Variants in PRCC observed in about 807,000 individuals in gnomAD.
The protein encoded by PRCC is proline-rich protein PRCC.
PRCC carries 10 observed loss-of-function variants against 44.0 expected under a neutral mutation model. The observed-to-expected ratio is 0.23, with a 90% CI of 0.14 to 0.39. PRCC has a LOEUF of 0.39. Among genes scored for constraint, PRCC ranks in the 10% least tolerant of loss-of-function variants. The pLI is 1.00. For synonymous variants in PRCC, 278 were observed against 259.5 expected (o/e 1.07, Z -0.69); for missense variants, 573 against 624.7 (o/e 0.92, Z 0.88).
At chr1:156,778,235 A>G (rs909270177) in intron 1 of PRCC, among the ~76,000 whole-genome samples, 2 of 152,132 alleles carry the variant, frequency 1.3e-5, no homozygotes, top group Admixed American at 6.6e-5. Context: ...CTCTGCTTCT[A>G]TGAAGTACTT....
At position 156,767,907 on chromosome 1, in the gene PRCC, A is replaced by G; in HGVS notation, c.136A>G (p.Lys46Glu). 1 of 1,601,876 alleles carries G rather than the reference A, an allele frequency of 6.2e-7. No homozygotes were observed. Among genetic ancestry groups the G allele is most frequent in the East Asian group, 2.2e-5 (1 of 44,458 alleles). Residue 46 changes from lysine (K) to glutamate (E), a missense_variant, in exon 1 of 7, where the codon AAG becomes GAG. Transcript: ENST00000271526. The part of the protein sequence containing the change: ...GGLFASLPAP[K>E]GPALLPPPPQ... ...CTTGTTCGCTTCTCTCCCTGCGCCC[A>G]AGGGTCCGGCCTTGCTGCCTCCGCC...
At chr1:156,773,668 T>A (rs1305329497) in intron 1 of PRCC, among the ~76,000 whole-genome samples, 2 of 152,170 alleles carry the variant, frequency 1.3e-5, no homozygotes, top group African/African-American at 4.8e-5. Context: ...CTCCACAACC[T>A]CCATTTAATA....
intron 1 of PRCC, 23 bp downstream of exon 1, chr1:156,768,262 C>G (rs1329292797): frequency 6.5e-7 from 1 of 1,535,722 alleles, no homozygotes; most frequent in South Asian, 1.2e-5. Context: ...GGAAGGCACC[C>G]CCAAACTGTC....
chr1:156,780,415 T>A (rs921299778), intron 1 of PRCC, among the ~76,000 whole-genome samples: 7 of 151,328 alleles, frequency 4.6e-5, no homozygotes, highest in South Asian at 4.1e-4. Flanking sequence ...ATTTTTTTTT[T>A]AATTTTAAGA....
At position 156,767,876 on chromosome 1, in the gene PRCC, A is replaced by C; in HGVS notation, c.105A>C (p.Leu35Phe). Reference sequence around the variant, plus strand: ...TGGCTCCTACATCTGGGCCCGCTTTAGGGGGCTTGTTCGCTTCTCTCCCTG... The same window carrying C: ...TGGCTCCTACATCTGGGCCCGCTTTCGGGGGCTTGTTCGCTTCTCTCCCTG... ...EAVAPTSGPALGGLFASLPAP... is the reference protein window; with the variant it reads ...EAVAPTSGPAFGGLFASLPAP... Residue 35 changes from leucine to phenylalanine, a missense_variant, in exon 1 of 7, where the codon TTA becomes TTC. By Grantham distance (22) the Leu-to-Phe change is conservative (BLOSUM62 0). Coordinates refer to ENST00000271526, the MANE Select transcript of PRCC (RefSeq NM_005973.5). The C allele has an allele frequency of 6.2e-7, 1 of 1,606,562 alleles. No homozygotes were observed. Among genetic ancestry groups the C allele is most frequent in the Non-Finnish European group, 8.5e-7 (1 of 1,177,446 alleles).
chr1:156,778,602 T>A (rs7524585), intron 1 of PRCC, among the ~76,000 whole-genome samples: 137,437 of 143,026 alleles, frequency 0.96, 66,230 homozygotes, highest in Non-Finnish European at 1. Flanking sequence ...TTTTTTTTTG[T>A]GGCAGGGTCT....
intron 2 of PRCC, 66 bp downstream of exon 2, chr1:156,782,395 C>T: frequency 1.4e-6 from 2 of 1,393,960 alleles, no homozygotes; most frequent in South Asian, 2.5e-5. Flanking sequence ...ACAGGACTTA[C>T]AGTATCCAGC....
chr1:156,768,817 A>G (rs143458656), intron 1 of PRCC, among the ~76,000 whole-genome samples: 50 of 152,306 alleles, frequency 3.3e-4, no homozygotes, highest in African/African-American at 1.2e-3. Context: ...GGGAGGTAAC[A>G]TACTATTGTT....
At chr1:156,774,613 A>G (rs111416544) in intron 1 of PRCC, among the ~76,000 whole-genome samples, 3,397 of 151,946 alleles carry the variant, frequency 0.022, 55 homozygotes, top group Non-Finnish European at 0.034. Flanking sequence ...CAGTCTCCGC[A>G]GTAGCTGGGA....
intron 1 of PRCC, among the ~76,000 whole-genome samples, chr1:156,779,122 ATATATATTTTTTT>A (rs1651942198): frequency 1.0e-4 from 2 of 19,708 alleles, no homozygotes; most frequent in African/African-American, 5.6e-4. Flanking sequence ...ATATATATAT[ATATATATTTTTTT>A]TTTTTTTTTT....
intron 3 of PRCC, chr1:156,790,948 A>G: frequency 1.9e-6 from 1 of 514,934 alleles, no homozygotes; most frequent in South Asian, 1.5e-5. Flanking sequence ...GGAGTTTAAG[A>G]CGAAGTGGAA....
At position 156,785,009 on chromosome 1, in the gene PRCC, C is replaced by CATATAT. The variant is rs144129979; in HGVS notation, c.517-1591_517-1586dup. Among the ~76,000 whole-genome samples the CATATAT allele has an allele frequency of 4.8e-3, 719 of 151,356 alleles. 10 individuals carry two copies. The highest frequency in any genetic ancestry group is 0.017 in the African/African-American group (685 of 41,266). Reference sequence around the variant, plus strand: ...CTTTCTTCAGATTAAAAAAATACAGCATATATATATATACACTCATTTCTG... The same window carrying CATATAT: ...CTTTCTTCAGATTAAAAAAATACAGCATATATATATATATATATACACTCATTTCTG... On this transcript the variant is annotated intron_variant, in intron 2 of 6. Transcript: ENST00000271526.
rs201827573 is a variant in PRCC, at chr1:156,787,156, C to T, written c.1065C>T (p.Ala355=). 775 of 1,603,926 alleles carry T rather than the reference C, an allele frequency of 4.8e-4. No individual in the cohort carries two copies. The highest frequency in any genetic ancestry group is 6.3e-4 in the Non-Finnish European group (737 of 1,172,156). ...NQFSTYGDAN[A]AGAYYQDYYS... Reference sequence around the variant, plus strand: ...TTTCCACATATGGCGATGCCAATGCCGCTGGTGCTTATTATCAGGTGGGTA... The same window carrying T: ...TTTCCACATATGGCGATGCCAATGCTGCTGGTGCTTATTATCAGGTGGGTA... Residue 355 remains alanine, a synonymous_variant, in exon 3 of 7, where the codon GCC becomes GCT. Coordinates refer to ENST00000271526, the MANE Select transcript of PRCC (RefSeq NM_005973.5).
At chr1:156,775,636 G>A (rs894024095) in intron 1 of PRCC, among the ~76,000 whole-genome samples, 2 of 151,196 alleles carry the variant, frequency 1.3e-5, no homozygotes, top group Admixed American at 6.6e-5. Flanking sequence ...TCAGCCTCCC[G>A]AGTAGCTGGG....
chr1:156,782,186 G>T, intron 1 of PRCC, 96 bp from the exon 2 acceptor site: 2 of 1,128,910 alleles, frequency 1.8e-6, no homozygotes, highest in Non-Finnish European at 2.6e-6. Context: ...AGACAAGATG[G>T]CCACTGTTGT....
chr1:156,787,288 CTATT>C (rs1192169200), intron 3 of PRCC, 114 bp downstream of exon 3: 25 of 1,196,026 alleles, frequency 2.1e-5, no homozygotes, highest in African/African-American at 9.2e-5. Flanking sequence ...TTAACCTTCT[CTATT>C]TATTAGGCCA....
At chr1:156,780,325 C>G (rs1322793626) in intron 1 of PRCC, among the ~76,000 whole-genome samples, 1 of 152,086 alleles carries the variant, frequency 6.6e-6, no homozygotes, top group African/African-American at 2.4e-5. Flanking sequence ...TCCCAAAGTG[C>G]TGGGATTACA....
chr1:156,799,143 G>A (rs186025243), intron 6 of PRCC, among the ~76,000 whole-genome samples: 91 of 152,218 alleles, frequency 6.0e-4, no homozygotes, highest in African/African-American at 2.0e-3. Flanking sequence ...TGTATGATCT[G>A]TATTTGTGTG....
chr1:156,778,254 A>G (rs1651898426), intron 1 of PRCC, among the ~76,000 whole-genome samples: 1 of 152,088 alleles, frequency 6.6e-6, no homozygotes, highest in Non-Finnish European at 1.5e-5. Flanking sequence ...TTTCTTTTAG[A>G]TTCTACATGT....
Sources: gnomAD v4.1 joint callset for allele counts (sites outside exome capture counted in the v4.1 genomes callset) on GRCh38, gnomAD v4.1.1 for gene constraint, MANE v1.5 for transcripts, NCBI Gene and HGNC (gene_info 2026-07-23, HGNC 2026-07-21) for gene names.